Variants in KNDC1 observed in about 807,000 individuals in gnomAD.
KNDC1 encodes kinase non-catalytic C-lobe domain-containing protein 1.
KNDC1 carries 106 observed loss-of-function variants against 172.8 expected under a neutral mutation model. The ratio of observed to expected loss-of-function variants is 0.61; its 90% CI spans 0.52 to 0.72. The LOEUF (loss-of-function observed/expected upper bound fraction) is 0.72. Among genes scored for constraint, KNDC1 ranks in the 30% least tolerant of loss-of-function variants. The pLI is 0.00. For synonymous variants in KNDC1, 1,083 were observed against 1,062.2 expected (o/e 1.02, Z -0.38); for missense variants, 2,325 against 2,394.5 (o/e 0.97, Z 0.61).
chr10:133,219,915 C>T, intron 28 of KNDC1, 40 bp from the exon 29 acceptor site: 1 of 1,536,364 alleles, frequency 6.5e-7, no homozygotes. Flanking sequence ...ACTGACCACG[C>T]CCTGTCTCTC....
rs375891405 is a variant in KNDC1, at chr10:133,198,445, C to T, written c.2015C>T (p.Ser672Phe). 9 of 1,603,716 alleles carry T rather than the reference C, an allele frequency of 5.6e-6. No homozygotes were observed. In the African/African-American group the frequency reaches 9.4e-5, roughly 17 times the overall value. ...ACCCAGCTGCCTGCAGCGTTCACCT[C>T]CGAGGCCACGCACTTCAAGCCCATT... ...EATQLPAAFT[S>F]EATHFKPIVL... Residue 672 changes from serine (S) to phenylalanine (F), a missense_variant, in exon 13 of 30, where the codon TCC (serine) becomes TTC (phenylalanine). Ser to Phe is a radical substitution (Grantham distance 155, BLOSUM62 -2). Coordinates refer to ENST00000304613, the MANE Select transcript of KNDC1 (RefSeq NM_152643.8).
intron 9 of KNDC1, among the ~76,000 whole-genome samples, chr10:133,191,109 C>T (rs1432055580): frequency 1.3e-5 from 2 of 152,158 alleles, no homozygotes; most frequent in South Asian, 2.1e-4. Context: ...GAGGCCAAGG[C>T]GGGCAGATCA....
At chr10:133,169,977 G>C (rs1400806263) in intron 3 of KNDC1, among the ~76,000 whole-genome samples, 5 of 152,164 alleles carry the variant, frequency 3.3e-5, no homozygotes, top group Non-Finnish European at 5.9e-5. Context: ...TGTTTCCTCG[G>C]GGCCATTTTT....
chr10:133,187,904 C>T (rs1237853427), intron 6 of KNDC1, among the ~76,000 whole-genome samples: 1 of 151,118 alleles, frequency 6.6e-6, no homozygotes, highest in East Asian at 2.0e-4. Context: ...CCCTGCACCC[C>T]GTCCCGCCCT....
rs139787861 is a variant in KNDC1, at chr10:133,215,599, G to A, written c.4677+1477G>A. Among the ~76,000 whole-genome samples, 166 of 152,352 alleles carry A rather than the reference G, an allele frequency of 1.1e-3. 1 individual carries two copies. Among genetic ancestry groups the A allele is most frequent in the African/African-American group, 3.8e-3 (156 of 41,590 alleles). ...AAACCAGAGCCTTCACGCACGGCCC[G>A]TGTGGCCAGGCTTCATGAGGATGAG... On this transcript the variant is annotated intron_variant, in intron 26 of 29. Coordinates refer to ENST00000304613, the MANE Select transcript of KNDC1 (RefSeq NM_152643.8).
Position 133,199,068 on chromosome 10 carries a change from G to A in KNDC1, c.2560G>A (p.Glu854Lys). 1 of 1,604,680 alleles carries A rather than the reference G, an allele frequency of 6.2e-7. No individual in the cohort carries two copies. Among genetic ancestry groups the A allele is most frequent in the Non-Finnish European group, 8.5e-7 (1 of 1,176,542 alleles). The change falls in exon 14 of 30, where the codon GAA becomes AAA. Residue 854 changes from glutamate (E) to lysine (K), a missense_variant. By Grantham distance (56) the Glu-to-Lys change is moderately conservative (BLOSUM62 1). Coordinates refer to ENST00000304613, the MANE Select transcript of KNDC1 (RefSeq NM_152643.8). The stretch of plus-strand genomic sequence containing the variant: ...GGGCCCCGGGGCCACCCCTGCCGGG[G>A]AACGTGATGACCAGAGTCCAGACAG... ...PEGPGATPAG[E>K]RDDQSPDSVP...
intron 26 of KNDC1, among the ~76,000 whole-genome samples, chr10:133,217,335 T>C (rs1224463052): frequency 2.0e-5 from 3 of 152,234 alleles, no homozygotes; most frequent in Non-Finnish European, 4.4e-5. Context: ...CAAGCTCCTC[T>C]CAAGGCGCTC....
intron 3 of KNDC1, among the ~76,000 whole-genome samples, chr10:133,179,643 G>A (rs550648393): frequency 1.3e-5 from 2 of 152,322 alleles, no homozygotes; most frequent in Non-Finnish European, 2.9e-5. Context: ...ATCGCATCTC[G>A]TGGGGAAGTT....
At chr10:133,197,157 G>A (rs750711869) in intron 11 of KNDC1, 22 bp downstream of exon 11, 58 of 1,591,360 alleles carry the variant, frequency 3.6e-5, no homozygotes, top group East Asian at 1.4e-4. Context: ...CAGCCAGGCC[G>A]CCGCCTCCTC....
chr10:133,200,499 G>C (rs1469635611), intron 16 of KNDC1, 39 bp downstream of exon 16: 5 of 1,436,636 alleles, frequency 3.5e-6, no homozygotes, highest in Non-Finnish European at 4.6e-6. Context: ...AGCTCTGCTG[G>C]GCGGCTCCTC....
Position 133,167,414 on chromosome 10 carries a change from C to A in KNDC1, c.136C>A (p.Arg46=), listed in dbSNP as rs145440398. 3 of 1,600,126 alleles carry A rather than the reference C, an allele frequency of 1.9e-6. No individual in the cohort carries two copies. In the South Asian group the frequency reaches 3.4e-5, roughly 18 times the overall value. The change falls in exon 2 of 30, where the codon CGG becomes AGG. Residue 46 remains arginine (R), a synonymous_variant. Coordinates refer to ENST00000304613, the MANE Select transcript of KNDC1 (RefSeq NM_152643.8). ...NVSLADILSL[R]DRGLSEQEAW... is the part of the protein sequence containing the mutation. ...GTCTCTGGCTGACATCCTCTCCCTG[C>A]GGGACCGCGGCCTCAGCGAGCAGGA...
rs763268352 is a variant in KNDC1 at position 133,198,868 on chromosome 10, C to T, written c.2360C>T (p.Thr787Met). Residue 787 changes from threonine to methionine, a missense_variant, in exon 14 of 30, where the codon ACG becomes ATG. By Grantham distance (81) the Thr-to-Met change is moderately conservative. Transcript: ENST00000304613. Reference sequence around the variant, plus strand: ...GGCTCTCCAGTCCCCGCCCCGCCCACGAAGGCATCTGCGCTGCCCGTAGAG... The same window carrying T: ...GGCTCTCCAGTCCCCGCCCCGCCCATGAAGGCATCTGCGCTGCCCGTAGAG... The part of the protein sequence containing the change: ...APGSPVPAPP[T>M]KASALPVEQG... 1.2e-5 allele frequency: 19 copies of T among 1,598,946 alleles called. No homozygotes were observed. The highest frequency in any genetic ancestry group is 3.3e-5 in the South Asian group (3 of 89,882).
chr10:133,165,881 C>T (rs1853134778), intron 1 of KNDC1, among the ~76,000 whole-genome samples: 2 of 152,074 alleles, frequency 1.3e-5, no homozygotes, highest in Non-Finnish European at 2.9e-5. Context: ...CAGGGAGATT[C>T]CCGCCATAGA....
In KNDC1 at chr10:133,167,449, C is replaced by T. The variant is rs140318541; in HGVS notation, c.171C>T (p.Ala57=). Residue 57 remains alanine, a synonymous_variant, in exon 2 of 30, where the codon GCC becomes GCT. Coordinates refer to ENST00000304613, the MANE Select transcript of KNDC1 (RefSeq NM_152643.8). ...GCCTCAGCGAGCAGGAAGCCTGGGC[C>T]GTGTGCCTGGAGTGCAGCCTGTCCA... ...DRGLSEQEAW[A]VCLECSLSMR... 6.2e-3 allele frequency: 9,897 copies of T among 1,606,108 alleles called. 41 individuals carry two copies. Among genetic ancestry groups the T allele is most frequent in the Non-Finnish European group, 7.7e-3 (9,110 of 1,177,470 alleles).
intron 3 of KNDC1, among the ~76,000 whole-genome samples, chr10:133,170,895 A>G (rs775441807): frequency 5.3e-5 from 8 of 152,200 alleles, no homozygotes; most frequent in Non-Finnish European, 8.8e-5. Flanking sequence ...TCATGAGGGA[A>G]TGGGATGACC....
intron 1 of KNDC1, among the ~76,000 whole-genome samples, chr10:133,165,893 A>G (rs147310427): frequency 6.7e-6 from 1 of 149,502 alleles, no homozygotes; most frequent in Non-Finnish European, 1.5e-5. Flanking sequence ...CGCCATAGAA[A>G]GAGCTGGAAG....
chr10:133,203,585 G>A (rs1261308757), intron 17 of KNDC1, among the ~76,000 whole-genome samples: 1 of 152,220 alleles, frequency 6.6e-6, no homozygotes, highest in Non-Finnish European at 1.5e-5. Context: ...TACTGGTGCC[G>A]GCCGTGTGTG....
rs572301702 is a variant in KNDC1 at position 133,178,878 on chromosome 10, C to A, written c.361-4466C>A. ...AATCCTGCGAGCCGCCACAGTAGTC[C>A]TCACCTTGGTTCGTGAGCAGGGCTC... is the stretch of plus-strand genomic sequence containing the variant. On this transcript the variant is annotated intron_variant, in intron 3 of 29. Coordinates refer to ENST00000304613, the MANE Select transcript of KNDC1 (RefSeq NM_152643.8). 3.9e-5 allele frequency: 6 copies of A among 152,336 alleles called. No homozygotes were observed. In the East Asian group the frequency reaches 1.2e-3, roughly 29 times the overall value. The allele number at this position is 152,336 out of a possible 1,614,324, so 9.4% of individuals were successfully genotyped here.
Position 133,186,596 on chromosome 10 carries a change from C to T in KNDC1, c.1248C>T (p.Ser416=), listed in dbSNP as rs140414841. 1.1e-4 allele frequency: 180 copies of T among 1,602,994 alleles called. No individual in the cohort carries two copies. The highest frequency in any genetic ancestry group is 2.8e-4 in the Admixed American group (17 of 59,792). The change falls in exon 6 of 30, where the codon AGC becomes AGT. Residue 416 remains serine, a synonymous_variant. Coordinates refer to ENST00000304613, the MANE Select transcript of KNDC1 (RefSeq NM_152643.8). ...AEAPADPRDA[S]GEAQTPRDDE... ...CCCCTGCAGACCCTCGAGATGCTAG[C>T]GGTGAAGCCCAGACTCCCAGGGACG...
Sources: allele counts gnomAD v4.1 joint callset (sites outside exome capture counted in the v4.1 genomes callset), GRCh38; gene constraint gnomAD v4.1.1; transcripts MANE v1.5; gene names NCBI Gene and HGNC (gene_info 2026-07-23, HGNC 2026-07-21).